MAP4K3: variants seen among roughly 807,000 people sequenced by gnomAD.
MAP4K3 encodes the protein mitogen-activated protein kinase kinase kinase kinase 3, also known as MAPK/ERK kinase kinase kinase 3.
In MAP4K3, 94 loss-of-function variants were observed where a neutral mutation model predicts 143.5. That is an observed-to-expected ratio of 0.65 (90% CI 0.55 to 0.78). The LOEUF (loss-of-function observed/expected upper bound fraction) is 0.78, where lower values mean the gene tolerates loss of function less well. MAP4K3 is among the 30% of genes least tolerant of loss of function. The pLI is 0.00. For synonymous variants in MAP4K3, 416 were observed against 347.2 expected, an observed-to-expected ratio of 1.20 and a Z score of -2.20; for missense variants, 1,077 against 1,068.1, an observed-to-expected ratio of 1.01 and a Z score of -0.12.
At chr2:39,298,429 T>C (rs553483315) in intron 16 of MAP4K3, among the ~76,000 whole-genome samples, 1 of 152,270 alleles carries the variant, frequency 6.6e-6, no homozygotes, top group South Asian at 2.1e-4. Context: ...TCAGCTTAAA[T>C]AAAAACTAAT....
At chr2:39,339,375 A>G (rs2148530815) in intron 4 of MAP4K3, among the ~76,000 whole-genome samples, 1 of 152,346 alleles carries the variant, frequency 6.6e-6, no homozygotes, top group South Asian at 2.1e-4. Flanking sequence ...TAACACTTGG[A>G]AGTGAAAGAC....
chr2:39,265,224 C>A lies in MAP4K3; in HGVS notation c.2115G>T (p.Met705Ile). 1.2e-6 allele frequency: 2 copies of A among 1,608,906 alleles called. No homozygotes were observed. The highest frequency in any genetic ancestry group is 1.7e-6 in the Non-Finnish European group (2 of 1,175,412). The change falls in exon 28 of 34, where the codon ATG becomes ATT. Residue 705 changes from methionine (M) to isoleucine (I), a missense_variant. Transcript: ENST00000263881. ...SIVLLEWVEP[M>I]QKFMLIKHID... ...TTACCTTAATTAACATAAATTTCTG[C>A]ATTGGTTCAACCCATTCTAATAGAA...
At chr2:39,299,567 T>C (rs1682424298) in intron 16 of MAP4K3, among the ~76,000 whole-genome samples, 176 bp downstream of exon 16, 1 of 152,138 alleles carries the variant, frequency 6.6e-6, no homozygotes, top group Non-Finnish European at 1.5e-5. Context: ...TGCTTCCCAT[T>C]AGGACAACTA....
intron 24 of MAP4K3, among the ~76,000 whole-genome samples, chr2:39,277,748 T>C (rs1681332580): frequency 1.3e-5 from 2 of 151,806 alleles, no homozygotes; most frequent in African/African-American, 2.4e-5. Flanking sequence ...TATTTTTTAG[T>C]AGAGACAGGG....
intron 13 of MAP4K3, among the ~76,000 whole-genome samples, chr2:39,310,018 A>G (rs978502931): frequency 6.6e-6 from 1 of 152,200 alleles, no homozygotes; most frequent in African/African-American, 2.4e-5. Context: ...TCATGGTGGT[A>G]TATGCGATAT....
intron 8 of MAP4K3, among the ~76,000 whole-genome samples, chr2:39,330,874 G>A (rs1683660217): frequency 6.6e-6 from 1 of 152,062 alleles, no homozygotes; most frequent in African/African-American, 2.4e-5. Flanking sequence ...ACTGTTAATT[G>A]ACTCAGCAAA....
chr2:39,274,673 A>G (rs1424107165), intron 24 of MAP4K3, among the ~76,000 whole-genome samples: 1 of 152,074 alleles, frequency 6.6e-6, no homozygotes, highest in Admixed American at 6.5e-5. Flanking sequence ...TTCTGCCTAG[A>G]CTCATATATC....
intron 26 of MAP4K3, among the ~76,000 whole-genome samples, chr2:39,271,029 G>C (rs1680996946): frequency 6.6e-6 from 1 of 151,612 alleles, no homozygotes; most frequent in African/African-American, 2.4e-5. Flanking sequence ...AATACCCTTA[G>C]AGCTGAACAC....
At position 39,269,108 on chromosome 2, in the gene MAP4K3, A is replaced by G; in HGVS notation, c.1974-1861T>C. Among the ~76,000 whole-genome samples, 2 of 61,416 alleles carry G rather than the reference A, an allele frequency of 3.3e-5. 1 individual carries two copies. The highest frequency in any genetic ancestry group is 9.4e-4 in the South Asian group (2 of 2,122). 40.3% of individuals were successfully genotyped at this position (61,416 alleles called of 152,430 possible). A position where few individuals can be genotyped will look rare whatever the true frequency, so the allele number is the denominator to read the frequency against. ...TTAGATAGATGCCAGTGCTCTGTAC[A>G]AGTCTTTTTTTTTTTTTAGAGTTGT... On this transcript the variant is annotated intron_variant, in intron 26 of 33. Coordinates refer to ENST00000263881, the MANE Select transcript of MAP4K3 (RefSeq NM_003618.4).
intron 27 of MAP4K3, 59 bp from the exon 28 acceptor site, chr2:39,265,365 T>C (rs920954637): frequency 1.8e-5 from 18 of 1,010,464 alleles, no homozygotes; most frequent in Non-Finnish European, 2.6e-5. Context: ...ATGACAATAA[T>C]TGCATGCTCA....
chr2:39,419,650 C>A lies in MAP4K3; in HGVS notation c.96+17242G>T, dbSNP rs557868193. ...ATCTCAACATTCCAAATAAAAACAT[C>A]TTCTATGATTAGCAGATCCTAGTAG... On this transcript the variant is annotated intron_variant, in intron 1 of 33. Coordinates refer to ENST00000263881, the MANE Select transcript of MAP4K3 (RefSeq NM_003618.4). Among the ~76,000 whole-genome samples the A allele has an allele frequency of 1.8e-4, 27 of 152,294 alleles. No homozygotes were observed. In the Middle Eastern group the frequency reaches 0.017, roughly 96 times the overall value.
intron 1 of MAP4K3, among the ~76,000 whole-genome samples, chr2:39,424,150 G>A (rs955647799): frequency 5.3e-5 from 8 of 152,130 alleles, no homozygotes; most frequent in Non-Finnish European, 1.0e-4. Context: ...CACCATGTTG[G>A]CCAGGCTGGT....
At chr2:39,307,087 TAAAG>T (rs1407273700) in intron 15 of MAP4K3, among the ~76,000 whole-genome samples, 1 of 152,122 alleles carries the variant, frequency 6.6e-6, no homozygotes, top group East Asian at 1.9e-4. Context: ...AAAATTTATA[TAAAG>T]AATCATTTAA....
chr2:39,334,533 T>C lies in MAP4K3; in HGVS notation c.415-959A>G, dbSNP rs770876937. ...ATACTACTGTAGCTCTGTGGAATAG[T>C]AGGGGAAGGAGAAAAAGGAAAGAGA... On this transcript the variant is annotated intron_variant, in intron 6 of 33. Transcript: ENST00000263881. 1.2e-4 allele frequency among the ~76,000 whole-genome samples: 19 copies of C among 152,030 alleles called. 1 individual carries two copies. The highest frequency in any genetic ancestry group is 6.2e-4 in the South Asian group (3 of 4,808).
At position 39,325,913 on chromosome 2, in the gene MAP4K3, CT is replaced by C; in HGVS notation, c.710del (p.Lys237ArgfsTer4). On this transcript the variant is annotated frameshift_variant, in exon 10 of 34. Coordinates refer to ENST00000263881, the MANE Select transcript of MAP4K3 (RefSeq NM_003618.4). LOFTEE classifies it high-confidence loss of function. ...AAAATACTTACCATTTCATTTTATC[CT>C]TTAGTTTAGGAGGCTGAAAATTGCT... ...TKSNFQPPKL[K>X]DKMKWSNSFH... 6.3e-7 allele frequency: 1 copy of C among 1,590,862 alleles called. No homozygotes were observed. Among genetic ancestry groups the C allele is most frequent in the Non-Finnish European group, 8.6e-7 (1 of 1,163,478 alleles).
At chr2:39,296,716 A>G (rs183614912) in intron 16 of MAP4K3, among the ~76,000 whole-genome samples, 35 of 152,272 alleles carry the variant, frequency 2.3e-4, no homozygotes, top group Admixed American at 5.2e-4. Context: ...CAAAAACCCT[A>G]TTTCTCTAAA....
intron 1 of MAP4K3, among the ~76,000 whole-genome samples, chr2:39,432,606 G>A (rs2111383): frequency 0.042 from 6,354 of 152,186 alleles, 168 homozygotes; most frequent in South Asian, 0.052. Flanking sequence ...TTCCTTATCC[G>A]TTAGGTTTAA....
intron 1 of MAP4K3, among the ~76,000 whole-genome samples, chr2:39,385,256 T>C (rs982551611): frequency 5.3e-5 from 8 of 152,236 alleles, no homozygotes; most frequent in African/African-American, 1.9e-4. Flanking sequence ...TATAAGAAAT[T>C]GCCCAACTTT....
intron 2 of MAP4K3, among the ~76,000 whole-genome samples, chr2:39,362,251 A>C (rs906508958): frequency 2.6e-5 from 4 of 152,196 alleles, no homozygotes; most frequent in Admixed American, 1.3e-4. Flanking sequence ...GCCAGAAACA[A>C]GAAAAAGAAA....
Sources: allele counts gnomAD v4.1 joint callset (sites outside exome capture counted in the v4.1 genomes callset), GRCh38; gene constraint gnomAD v4.1.1; transcripts MANE v1.5; gene names NCBI Gene and HGNC (gene_info 2026-07-23, HGNC 2026-07-21).